The following RAD51AP2 variants were observed in gnomAD, a reference collection of about 807,000 sequenced individuals.
RAD51AP2 encodes the protein RAD51 associated protein 2, also known as RAD51-associated protein 2.
RAD51AP2 carries 67 observed loss-of-function variants against 85.5 expected under a neutral mutation model. The ratio of observed to expected loss-of-function variants is 0.78; its 90% confidence interval spans 0.64 to 0.96. The LOEUF (loss-of-function observed/expected upper bound fraction) is 0.96, where lower values mean the gene tolerates loss of function less well. Ranked by LOEUF, RAD51AP2 falls within the 40% of genes least tolerant of loss-of-function variation. RAD51AP2 has a pLI of 0.00. For missense variants in RAD51AP2, 1,307 were observed against 1,332.4 expected, an observed-to-expected ratio of 0.98 and a Z score of 0.30; for synonymous variants, 474 against 446.5, an observed-to-expected ratio of 1.06 and a Z score of -0.78.
In RAD51AP2 at chr2:17,517,517, T is replaced by G. The variant is rs766678076; in HGVS notation, c.899A>C (p.Gln300Pro). 1 of 1,613,878 alleles carries G rather than the reference T, an allele frequency of 6.2e-7. No individual in the cohort carries two copies. Among genetic ancestry groups the G allele is most frequent in the East Asian group, 2.2e-5 (1 of 44,862 alleles). ...VRDFTNIYWS[Q>P]NRPDVKKQKL... Reference sequence around the variant, plus strand: ...TTGCTTCTTAACATCAGGTCTATTTTGGGACCAGTAAATGTTTGTGAAATC... The same window carrying G: ...TTGCTTCTTAACATCAGGTCTATTTGGGGACCAGTAAATGTTTGTGAAATC... The change falls in exon 1 of 3, where the codon CAA becomes CCA. Residue 300 changes from glutamine (Q) to proline (P), a missense_variant. Around this residue, in one of 3 missense-constraint regions of RAD51AP2, gnomAD observed 635 missense variants for 643.6 expected, o/e 0.99. Transcript: ENST00000399080.
chr2:17,521,868 CTT>C (rs1161013493), upstream of RAD51AP2, among the ~76,000 whole-genome samples: 7 of 152,032 alleles, frequency 4.6e-5, no homozygotes, highest in East Asian at 1.2e-3. Flanking sequence ...AACTTTTTCT[CTT>C]TTTTTGTTTT....
the RAD51AP2 span, among the ~76,000 whole-genome samples, chr2:17,534,544 CTCT>C: frequency 1.4e-4 from 22 of 151,926 alleles, no homozygotes; most frequent in East Asian, 3.9e-4. Context: ...TATGGCCTTT[CTCT>C]TCTTCTTCTT....
At chr2:17,513,802 G>C (rs1376015361) in intron 2 of RAD51AP2, among the ~76,000 whole-genome samples, 1 of 152,090 alleles carries the variant, frequency 6.6e-6, no homozygotes, top group Non-Finnish European at 1.5e-5. Context: ...TTTGCAGAGT[G>C]CATTTCCCAA....
intron 2 of RAD51AP2, among the ~76,000 whole-genome samples, chr2:17,511,427 G>A (rs1018429900): frequency 1.3e-5 from 2 of 152,126 alleles, no homozygotes; most frequent in Admixed American, 6.5e-5. Flanking sequence ...GCTCTGAGTT[G>A]GAAGTTGTTA....
chr2:17,533,236 T>C, the RAD51AP2 span, among the ~76,000 whole-genome samples: 1 of 152,190 alleles, frequency 6.6e-6, no homozygotes, highest in South Asian at 2.1e-4. Context: ...TTTCTTGATG[T>C]CTGCTGGACC....
At chr2:17,518,886 T>C (rs924941759), upstream of RAD51AP2, among the ~76,000 whole-genome samples, 4 of 152,202 alleles carry the variant, frequency 2.6e-5, no homozygotes, top group African/African-American at 9.6e-5. Context: ...GACTCTCCAG[T>C]AAAATCGTGT....
chr2:17,524,096 T>C, the RAD51AP2 span, among the ~76,000 whole-genome samples: 1 of 151,954 alleles, frequency 6.6e-6, no homozygotes, highest in Admixed American at 6.6e-5. Flanking sequence ...AACAATACAT[T>C]GCCGAATCAG....
chr2:17,526,075 T>G, the RAD51AP2 span, among the ~76,000 whole-genome samples: 1 of 151,786 alleles, frequency 6.6e-6, no homozygotes, highest in South Asian at 2.1e-4. Context: ...TATTATATAT[T>G]ATATATGTAA....
chr2:17,531,636 T>A, the RAD51AP2 span, among the ~76,000 whole-genome samples: 2 of 152,206 alleles, frequency 1.3e-5, no homozygotes, highest in Non-Finnish European at 2.9e-5. Flanking sequence ...GCCTAGCAAA[T>A]CTTAAGCAGA....
At chr2:17,537,814 A>G in the RAD51AP2 span, among the ~76,000 whole-genome samples, 29 of 152,302 alleles carry the variant, frequency 1.9e-4, no homozygotes, top group Non-Finnish European at 3.8e-4. Flanking sequence ...GGTGGAAGTA[A>G]GGCTAGAAAT....
In RAD51AP2 at chr2:17,515,821, A is replaced by G. The variant is rs772564023; in HGVS notation, c.2595T>C (p.Phe865=). 5.0e-6 allele frequency: 8 copies of G among 1,607,520 alleles called. No individual in the cohort carries two copies. In the East Asian group the frequency reaches 1.3e-4, roughly 27 times the overall value. Residue 865 remains phenylalanine, a synonymous_variant, in exon 1 of 3, where the codon TTT becomes TTC. Coordinates refer to ENST00000399080, the MANE Select transcript of RAD51AP2 (RefSeq NM_001099218.3). ...GTACAGAAAACATGTCATCCATTGGAAAAAAACTATCTTTCTCTTCCTTTT... is the reference window on the plus strand; with the variant it reads ...GTACAGAAAACATGTCATCCATTGGGAAAAAACTATCTTTCTCTTCCTTTT... ...KIEKEEKDSF[F]PMDDMFSVQS... is the part of the protein sequence containing the mutation.
At chr2:17,533,990 C>CT in the RAD51AP2 span, among the ~76,000 whole-genome samples, 1 of 152,146 alleles carries the variant, frequency 6.6e-6, no homozygotes, top group Non-Finnish European at 1.5e-5. Flanking sequence ...ATCTCTATCA[C>CT]CAAATATGAG....
chr2:17,521,905 A>G (rs756549150), upstream of RAD51AP2, among the ~76,000 whole-genome samples: 1 of 151,946 alleles, frequency 6.6e-6, no homozygotes, highest in Non-Finnish European at 1.5e-5. Context: ...TGCATCCCCT[A>G]CATAGACATT....
In RAD51AP2 at chr2:17,516,123, T is replaced by C; in HGVS notation, c.2293A>G (p.Met765Val). The change falls in exon 1 of 3, where the codon ATG (methionine) becomes GTG (valine). Residue 765 changes from methionine to valine, a missense_variant. By Grantham distance (21) the Met-to-Val change is conservative. Coordinates refer to ENST00000399080, the MANE Select transcript of RAD51AP2 (RefSeq NM_001099218.3). ...TTATTATGTCCCTGTTTTCTTTCCA[T>C]ATTTAAATCTTGGCTGTGCATATTT... ...EVNMHSQDLN[M>V]ERKQGHNKIS... 1 of 1,612,488 alleles carries C rather than the reference T, an allele frequency of 6.2e-7. No homozygotes were observed. The highest frequency in any genetic ancestry group is 8.5e-7 in the Non-Finnish European group (1 of 1,179,522).
In RAD51AP2 at chr2:17,510,694, AC is replaced by A; in HGVS notation, c.*109del. ...ATAATTTATACACTCAAAAAAAAAA[AC>A]TTCTCCACTTTATAATAAAGCAAGC... On this transcript the variant is annotated 3_prime_UTR_variant, in exon 3 of 3. Coordinates refer to ENST00000399080, the MANE Select transcript of RAD51AP2 (RefSeq NM_001099218.3). 7.1e-6 allele frequency: 4 copies of A among 560,420 alleles called. No homozygotes were observed. Among genetic ancestry groups the A allele is most frequent in the Admixed American group, 4.1e-5 (1 of 24,420 alleles). The allele number at this position is 560,420 out of a possible 1,614,324, so 34.7% of individuals were successfully genotyped here. A position where few individuals can be genotyped will look rare whatever the true frequency, so the allele number is the denominator to read the frequency against.
At chr2:17,515,131 C>G in intron 1 of RAD51AP2, 38 bp downstream of exon 1, 1 of 1,478,910 alleles carries the variant, frequency 6.8e-7, no homozygotes, top group Non-Finnish European at 9.0e-7. Context: ...AGTAATTTTT[C>G]TAGCATGAGA....
At chr2:17,536,253 G>A in the RAD51AP2 span, among the ~76,000 whole-genome samples, 1 of 152,088 alleles carries the variant, frequency 6.6e-6, no homozygotes, top group Non-Finnish European at 1.5e-5. Context: ...TCCAACTACC[G>A]AGGTCCCCCA....
chr2:17,522,881 T>G (rs977736509), upstream of RAD51AP2, among the ~76,000 whole-genome samples: 1 of 151,950 alleles, frequency 6.6e-6, no homozygotes, highest in African/African-American at 2.4e-5. Context: ...ATCTTTTACT[T>G]AAAATTTTCA....
At chr2:17,522,983 TGAA>T (rs1407822432), upstream of RAD51AP2, among the ~76,000 whole-genome samples, 1 of 151,918 alleles carries the variant, frequency 6.6e-6, no homozygotes, top group Non-Finnish European at 1.5e-5. Context: ...AAAGAAATAT[TGAA>T]TAGTAGTTGG....
Sources: gnomAD v4.1 joint callset for allele counts (sites outside exome capture counted in the v4.1 genomes callset) on GRCh38, gnomAD v4.1.1 for gene constraint, gnomAD v4.1.1 regional missense constraint, MANE v1.5 for transcripts, NCBI Gene and HGNC (gene_info 2026-07-23, HGNC 2026-07-21) for gene names.